Variants in CCAR1 observed in about 807,000 individuals in gnomAD.
CCAR1 encodes the protein cell division cycle and apoptosis regulator protein 1.
A neutral mutation model predicts 163.8 loss-of-function variants in CCAR1; 78 were observed. The observed-to-expected ratio is 0.48, with a 90% CI of 0.40 to 0.57. The LOEUF (loss-of-function observed/expected upper bound fraction) is 0.57. CCAR1 is among the 20% of genes least tolerant of loss of function. The pLI is 0.00. For missense variants in CCAR1, 1,019 were observed against 1,365.2 expected, an observed-to-expected ratio of 0.75 and a Z score of 4.00; for synonymous variants, 443 against 460.7, an observed-to-expected ratio of 0.96 and a Z score of 0.49.
chr10:68,788,207 T>G lies in CCAR1; in HGVS notation c.3066T>G (p.Val1022=). The G allele has an allele frequency of 6.3e-7, 1 of 1,598,698 alleles. No individual in the cohort carries two copies. Among genetic ancestry groups the G allele is most frequent in the Non-Finnish European group, 8.5e-7 (1 of 1,174,808 alleles). The change falls in exon 23 of 25, where the codon GTT becomes GTG. Residue 1022 remains valine (V), a synonymous_variant. Transcript: ENST00000265872. ...AATCAAAGGATGTGGAAGAAAATGT[T>G]GGCCTCATTGTGTACAATGGTGCAA... The part of the protein sequence containing the change: ...KQESKDVEEN[V]GLIVYNGAMV...
intron 16 of CCAR1, among the ~76,000 whole-genome samples, chr10:68,763,379 G>A (rs1019632642): frequency 9.2e-5 from 14 of 151,908 alleles, no homozygotes; most frequent in African/African-American, 3.1e-4. Flanking sequence ...TCAATCTCTT[G>A]ACCTCGTGAT....
chr10:68,777,113 G>A (rs1324485601), intron 19 of CCAR1, among the ~76,000 whole-genome samples: 2 of 152,006 alleles, frequency 1.3e-5, no homozygotes, highest in South Asian at 2.1e-4. Context: ...CCCTACTTCC[G>A]ATCTATCAGG....
chr10:68,782,110 G>C (rs1193611730), intron 19 of CCAR1, among the ~76,000 whole-genome samples: 1 of 152,090 alleles, frequency 6.6e-6, no homozygotes, highest in East Asian at 1.9e-4. Context: ...GAGTTTTAGG[G>C]GTCAGAATAG....
At chr10:68,786,071 C>T in intron 19 of CCAR1, 65 bp from the exon 20 acceptor site, 2 of 1,046,530 alleles carry the variant, frequency 1.9e-6, no homozygotes, top group Admixed American at 1.9e-5. Flanking sequence ...AGTCATGTGC[C>T]ACTGTGCCCA....
At chr10:68,770,873 C>G (rs534865402) in intron 17 of CCAR1, among the ~76,000 whole-genome samples, 1 of 152,152 alleles carries the variant, frequency 6.6e-6, no homozygotes, top group South Asian at 2.1e-4. Context: ...GTCAGGAGAT[C>G]GAGACCATCC....
rs1258746521 is a variant in CCAR1, at chr10:68,791,342, GT to G, written c.*77del. Reference sequence around the variant, plus strand: ...AATCATGATATAAGAATGTTTGAAGGTGATGCATGTTTGATTTTAGTAGTAT... The same window carrying G: ...AATCATGATATAAGAATGTTTGAAGGGATGCATGTTTGATTTTAGTAGTAT... On this transcript the variant is annotated 3_prime_UTR_variant, in exon 25 of 25. Coordinates refer to ENST00000265872, the MANE Select transcript of CCAR1 (RefSeq NM_018237.4). 1 of 947,840 alleles carries G rather than the reference GT, an allele frequency of 1.1e-6. No homozygotes were observed. Among genetic ancestry groups the G allele is most frequent in the African/African-American group, 1.7e-5 (1 of 59,156 alleles). 58.7% of individuals were successfully genotyped at this position (947,840 alleles called of 1,614,324 possible).
At chr10:68,765,824 T>A (rs2133386554) in intron 16 of CCAR1, 64 bp from the exon 17 acceptor site, 1 of 1,076,798 alleles carries the variant, frequency 9.3e-7, no homozygotes, top group Non-Finnish European at 1.4e-6. Flanking sequence ...TATATATTCA[T>A]CTTGCACATG....
In CCAR1 at chr10:68,756,202, T is replaced by C; in HGVS notation, c.1626-71T>C. On this transcript the variant is annotated intron_variant, in intron 13 of 24. Coordinates refer to ENST00000265872, the MANE Select transcript of CCAR1 (RefSeq NM_018237.4). This position sits in a 1 kb window ranked among gnomAD's most constrained non-coding sequence, Gnocchi z 5.1. ...AGCAAAATTTCTTTACTTGATGTGC[T>C]ACAAGTGAACTAGGGTCTTTAAAAT... is the stretch of plus-strand genomic sequence containing the variant. 2 of 1,258,496 alleles carry C rather than the reference T, an allele frequency of 1.6e-6. No homozygotes were observed. Among genetic ancestry groups the C allele is most frequent in the South Asian group, 1.4e-5 (1 of 73,524 alleles). 78.0% of individuals were successfully genotyped at this position (1,258,496 alleles called of 1,614,324 possible). A position where few individuals can be genotyped will look rare whatever the true frequency, so the allele number is the denominator to read the frequency against.
rs113619196 is a variant in CCAR1, at chr10:68,722,580, C to T, written c.73+3C>T. 1,204 of 1,607,300 alleles carry T rather than the reference C, an allele frequency of 7.5e-4. 12 individuals are homozygous for T. The African/African-American group carries it at 0.015, about 20-fold the overall frequency. The stretch of plus-strand genomic sequence containing the variant: ...AGCCACTGCAGTATCACAGCCAGGT[C>T]AGGCTTCTAAATACATGTACTGTAA... On this transcript the variant is annotated splice_donor_region_variant and intron_variant, in intron 2 of 24. Transcript: ENST00000265872.
At chr10:68,785,627 C>A (rs957360686) in intron 19 of CCAR1, among the ~76,000 whole-genome samples, 1 of 152,162 alleles carries the variant, frequency 6.6e-6, no homozygotes, top group African/African-American at 2.4e-5. Flanking sequence ...CAGTAACTCC[C>A]AAGTTGTGCC....
At chr10:68,737,291 G>T (rs2056123689) in intron 3 of CCAR1, among the ~76,000 whole-genome samples, 1 of 152,034 alleles carries the variant, frequency 6.6e-6, no homozygotes, top group Non-Finnish European at 1.5e-5. Context: ...GATCGTCTGA[G>T]CCCGGGAATT....
rs550582343 is a variant in CCAR1, at chr10:68,723,085, T to A, written c.73+508T>A. Among the ~76,000 whole-genome samples the A allele has an allele frequency of 8.6e-5, 13 of 151,060 alleles. No individual in the cohort carries two copies. In the East Asian group the frequency reaches 2.3e-3, roughly 27 times the overall value. On this transcript the variant is annotated intron_variant, in intron 2 of 24. Transcript: ENST00000265872. ...ATAGTAGTTTGGACAGTTTTGTAGTTTTTTTTTTCCCCAAACATTTATTTT... is the reference window on the plus strand; with the variant it reads ...ATAGTAGTTTGGACAGTTTTGTAGTATTTTTTTTCCCCAAACATTTATTTT...
At chr10:68,754,341 T>A (rs1258281334) in intron 11 of CCAR1, among the ~76,000 whole-genome samples, 1 of 152,248 alleles carries the variant, frequency 6.6e-6, no homozygotes, top group Non-Finnish European at 1.5e-5. Context: ...ATATTTGGAA[T>A]GTTGTATGAC....
At chr10:68,740,877 GTTTTA>G (rs902611777) in intron 5 of CCAR1, among the ~76,000 whole-genome samples, 4 of 149,642 alleles carry the variant, frequency 2.7e-5, no homozygotes, top group East Asian at 3.9e-4. Flanking sequence ...TAAATATGAG[GTTTTA>G]TTTTATTTAT....
intron 2 of CCAR1, among the ~76,000 whole-genome samples, chr10:68,731,591 GTTTTTTTTTTTTTT>G (rs67032408): frequency 1.3e-5 from 1 of 75,624 alleles, no homozygotes; most frequent in Non-Finnish European, 2.4e-5. Context: ...TCTTGTTTCT[GTTTTTTTTTTTTTT>G]TTTTTTTTTT....
At chr10:68,722,720 G>A (rs1001701342) in intron 2 of CCAR1, 143 bp downstream of exon 2, 2 of 612,838 alleles carry the variant, frequency 3.3e-6, no homozygotes, top group African/African-American at 1.8e-5. Context: ...TCAGGAGTTC[G>A]TAACCAGCCT....
rs1009945523 is a variant in CCAR1, at chr10:68,791,449, C to T, written c.*183C>T. On this transcript the variant is annotated 3_prime_UTR_variant, in exon 25 of 25. Coordinates refer to ENST00000265872, the MANE Select transcript of CCAR1 (RefSeq NM_018237.4). ...TTGAAAATTGCTTGTAATTCCTAGC[C>T]TTCAAATTATTAAACACTCCTTGAG... 21 of 437,064 alleles carry T rather than the reference C, an allele frequency of 4.8e-5. No homozygotes were observed. Among genetic ancestry groups the T allele is most frequent in the Non-Finnish European group, 7.1e-5 (17 of 241,000 alleles). 27.1% of individuals were successfully genotyped at this position (437,064 alleles called of 1,614,324 possible). A position where few individuals can be genotyped will look rare whatever the true frequency, so the allele number is the denominator to read the frequency against.
intron 16 of CCAR1, among the ~76,000 whole-genome samples, chr10:68,762,109 C>T (rs1212800007): frequency 6.6e-6 from 1 of 151,676 alleles, no homozygotes; most frequent in Admixed American, 6.6e-5. Flanking sequence ...GTGGGCGGAT[C>T]ACGAGGTCAG....
intron 10 of CCAR1, among the ~76,000 whole-genome samples, chr10:68,752,769 C>T (rs903039613): frequency 1.3e-5 from 2 of 152,046 alleles, no homozygotes; most frequent in African/African-American, 4.8e-5. Context: ...TACTTAGAAG[C>T]TGACATGGAA....
Sources: allele counts gnomAD v4.1 joint callset (sites outside exome capture counted in the v4.1 genomes callset), GRCh38; gene constraint gnomAD v4.1.1; non-coding constraint Gnocchi (gnomAD v3.1); transcripts MANE v1.5; gene names NCBI Gene and HGNC (gene_info 2026-07-23, HGNC 2026-07-21).